Variants in SDK1 observed in about 807,000 individuals in gnomAD.
SDK1 encodes sidekick cell adhesion molecule 1.
In SDK1, 157 loss-of-function variants were observed where a neutral mutation model predicts 245.5. The observed-to-expected ratio is 0.64, with a 90% CI of 0.56 to 0.73. The LOEUF (loss-of-function observed/expected upper bound fraction) is 0.73, where lower values mean the gene tolerates loss of function less well. Ranked by LOEUF, SDK1 falls within the 30% of genes least tolerant of loss-of-function variation. SDK1 has a pLI of 0.00. For missense variants in SDK1, 3,583 were observed against 3,002.3 expected (o/e 1.19, Z -4.52); for synonymous variants, 1,647 against 1,278.5 (o/e 1.29, Z -6.15).
chr7:3,586,913 T>G (rs976983662), intron 1 of SDK1, among the ~76,000 whole-genome samples: 1 of 152,108 alleles, frequency 6.6e-6, no homozygotes, highest in Non-Finnish European at 1.5e-5. Flanking sequence ...GTATTAAGGG[T>G]TCTGTAAGAG....
chr7:3,321,642 C>G (rs1431613862), intron 1 of SDK1, among the ~76,000 whole-genome samples: 1 of 151,792 alleles, frequency 6.6e-6, no homozygotes, highest in Non-Finnish European at 1.5e-5. Flanking sequence ...TTTTTTAAAC[C>G]TAATATTTAA....
chr7:3,723,879 C>CATATATATATACACGTATATATATAT (rs1778914959), intron 4 of SDK1, among the ~76,000 whole-genome samples: 1 of 119,492 alleles, frequency 8.4e-6, no homozygotes, highest in African/African-American at 3.8e-5. Context: ...TATACACGTA[C>CATATATATATACACGTATATATATAT]ATATATATAT....
At chr7:3,823,778 C>T (rs1779703276) in intron 5 of SDK1, among the ~76,000 whole-genome samples, 2 of 152,016 alleles carry the variant, frequency 1.3e-5, no homozygotes, top group African/African-American at 2.4e-5. Context: ...AGGACAAAAC[C>T]TACATTTTGT....
At chr7:3,982,569 G>T (rs981334254) in intron 13 of SDK1, among the ~76,000 whole-genome samples, 1 of 152,092 alleles carries the variant, frequency 6.6e-6, no homozygotes, top group Non-Finnish European at 1.5e-5. Flanking sequence ...GGCTGGGCGC[G>T]GTGGCTCACG....
chr7:4,082,896 T>C (rs139024937), intron 22 of SDK1, among the ~76,000 whole-genome samples: 450 of 152,218 alleles, frequency 3.0e-3, no homozygotes, highest in African/African-American at 0.01. Flanking sequence ...GCTGTGATTA[T>C]AGGCATGAGC....
rs575539025 is a variant in SDK1, at chr7:4,256,108, C to T, written c.6382-9016C>T. Among the ~76,000 whole-genome samples the T allele has an allele frequency of 1.5e-4, 23 of 152,046 alleles. No homozygotes were observed. The South Asian group carries it at 3.7e-3, about 25-fold the overall frequency. On this transcript the variant is annotated intron_variant, in intron 44 of 44. Transcript: ENST00000404826. ...CTAATTTTTGTATTTTTAGTAGAGA[C>T]GGGGTTTCGCCATGTTGGCCAGGCT...
At chr7:3,715,582 G>T (rs1465590838) in intron 4 of SDK1, among the ~76,000 whole-genome samples, 1 of 152,158 alleles carries the variant, frequency 6.6e-6, no homozygotes, top group Admixed American at 6.5e-5. Context: ...GAACAAAGGA[G>T]ACCAGGACAG....
chr7:3,512,302 C>G (rs890494473), intron 1 of SDK1, among the ~76,000 whole-genome samples: 1 of 152,130 alleles, frequency 6.6e-6, no homozygotes, highest in Non-Finnish European at 1.5e-5. Context: ...TGATAACTCA[C>G]TTGTTTTCAG....
At chr7:3,639,816 A>G (rs1418661625) in intron 3 of SDK1, among the ~76,000 whole-genome samples, 5 of 151,680 alleles carry the variant, frequency 3.3e-5, no homozygotes, top group African/African-American at 1.2e-4. Flanking sequence ...GAGACATAAC[A>G]TATATAATTA....
At chr7:4,029,214 CTTTTT>C (rs532321663) in intron 17 of SDK1, among the ~76,000 whole-genome samples, 1 of 98,446 alleles carries the variant, frequency 1.0e-5, no homozygotes, top group Admixed American at 9.1e-5. Flanking sequence ...TTTATTCTTT[CTTTTT>C]TTTTTTTTTT....
chr7:4,208,666 A>G (rs949955091), intron 37 of SDK1, among the ~76,000 whole-genome samples: 1 of 152,210 alleles, frequency 6.6e-6, no homozygotes, highest in Non-Finnish European at 1.5e-5. Context: ...TGGCATGTCC[A>G]GATCCTTGGG....
intron 1 of SDK1, among the ~76,000 whole-genome samples, chr7:3,345,506 T>C (rs1012571431): frequency 2.0e-5 from 3 of 152,208 alleles, no homozygotes; most frequent in African/African-American, 4.8e-5. Flanking sequence ...TAAGCATGAT[T>C]TGCAATGCCA....
chr7:3,918,015 C>G (rs541031674), intron 5 of SDK1, among the ~76,000 whole-genome samples: 12 of 152,294 alleles, frequency 7.9e-5, no homozygotes, highest in African/African-American at 2.6e-4. Context: ...TTTCAAGGGC[C>G]TTATGTGTAA....
intron 2 of SDK1, among the ~76,000 whole-genome samples, chr7:3,638,175 G>A (rs1349345198): frequency 6.6e-6 from 1 of 152,202 alleles, no homozygotes; most frequent in African/African-American, 2.4e-5. Flanking sequence ...TAAGACAGAA[G>A]TAGATCCTAG....
intron 1 of SDK1, among the ~76,000 whole-genome samples, chr7:3,404,071 C>A (rs1237169345): frequency 6.6e-6 from 1 of 151,130 alleles, no homozygotes; most frequent in South Asian, 2.1e-4. Context: ...AACAAGAGTA[C>A]ATACCTTAAT....
intron 4 of SDK1, among the ~76,000 whole-genome samples, chr7:3,697,574 T>C (rs1784611355): frequency 6.6e-6 from 1 of 152,206 alleles, no homozygotes; most frequent in Non-Finnish European, 1.5e-5. Flanking sequence ...ACTGTCTTCT[T>C]ACTGCTTGCC....
intron 1 of SDK1, among the ~76,000 whole-genome samples, chr7:3,552,139 T>C (rs955742657): frequency 2.0e-5 from 3 of 152,092 alleles, no homozygotes; most frequent in Non-Finnish European, 2.9e-5. Flanking sequence ...CCCGGGTTCA[T>C]GCCATTCTCT....
rs190283175 is a variant in SDK1, at chr7:4,150,567, A to T, written c.4625+1104A>T. ...AGTCGGTCATTTGCTCATATCCCCC[A>T]CCCAGCCTCCGTGGCGCCCAGCCAT... On this transcript the variant is annotated intron_variant, in intron 30 of 44. Coordinates refer to ENST00000404826, the MANE Select transcript of SDK1 (RefSeq NM_152744.4). Among the ~76,000 whole-genome samples, 35 of 152,154 alleles carry T rather than the reference A, an allele frequency of 2.3e-4. No homozygotes were observed. In the East Asian group the frequency reaches 6.6e-3, roughly 29 times the overall value.
rs1583214035 is a variant in SDK1, at chr7:4,268,347, G to A, written c.*2963G>A. On this transcript the variant is annotated 3_prime_UTR_variant, in exon 45 of 45. Coordinates refer to ENST00000404826, the MANE Select transcript of SDK1 (RefSeq NM_152744.4). The stretch of plus-strand genomic sequence containing the variant: ...CAGGTGAGCCCAGAGAGAGCTGCCA[G>A]GCCACACCCCCTCGGCCTCCTGCAC... 1 of 1,049,220 alleles carries A rather than the reference G, an allele frequency of 9.5e-7. No individual in the cohort carries two copies. The highest frequency in any genetic ancestry group is 8.8e-5 in the East Asian group (1 of 11,348). The allele number at this position is 1,049,220 out of a possible 1,614,324, so 65.0% of individuals were successfully genotyped here. A position where few individuals can be genotyped will look rare whatever the true frequency, so the allele number is the denominator to read the frequency against.
Sources: gnomAD v4.1 joint callset for allele counts (sites outside exome capture counted in the v4.1 genomes callset) on GRCh38, gnomAD v4.1.1 for gene constraint, MANE v1.5 for transcripts, NCBI Gene and HGNC (gene_info 2026-07-23, HGNC 2026-07-21) for gene names.